The following FAM227B variants were observed in gnomAD, a reference collection of about 807,000 sequenced individuals.
FAM227B encodes the protein family with sequence similarity 227 member B, also known as protein FAM227B.
Under a neutral mutation model 73.8 loss-of-function variants are expected in FAM227B, and 88 were observed. The ratio of observed to expected loss-of-function variants is 1.19; its 90% CI spans 1.00 to 1.42. The LOEUF (loss-of-function observed/expected upper bound fraction) is 1.42. Among genes scored for constraint, FAM227B ranks in the 40% most tolerant of loss-of-function variants. The probability of loss-of-function intolerance (pLI) is 0.00; values close to 1 mark genes in which losing one functional copy is unlikely to be tolerated. For synonymous variants in FAM227B, 210 were observed against 190.5 expected (o/e 1.10, Z -0.84); for missense variants, 632 against 590.9 (o/e 1.07, Z -0.72).
At chr15:49,447,420 T>C (rs552637214) in intron 11 of FAM227B, among the ~76,000 whole-genome samples, 1 of 151,764 alleles carries the variant, frequency 6.6e-6, no homozygotes, top group East Asian at 1.9e-4. Context: ...ATTTGGAACA[T>C]ATGTTTCTAG....
At chr15:49,572,130 C>G (rs2075148863) in intron 8 of FAM227B, among the ~76,000 whole-genome samples, 1 of 151,766 alleles carries the variant, frequency 6.6e-6, no homozygotes, top group South Asian at 2.1e-4. Flanking sequence ...GAATTGTTTT[C>G]TTGATTTCTT....
chr15:49,424,543 A>G, intron 11 of FAM227B: 1 of 1,606,454 alleles, frequency 6.2e-7, no homozygotes, highest in Non-Finnish European at 8.5e-7. Flanking sequence ...TCGATAAAAG[A>G]GGCAAAGTAA....
rs761482897 is a variant in FAM227B at position 49,577,629 on chromosome 15, C to G, written c.441G>C (p.Glu147Asp). 15 of 1,555,316 alleles carry G rather than the reference C, an allele frequency of 9.6e-6. No individual in the cohort carries two copies. Among genetic ancestry groups the G allele is most frequent in the Non-Finnish European group, 1.3e-5 (15 of 1,138,004 alleles). The stretch of plus-strand genomic sequence containing the variant: ...CTGGCAGAACAGAAATTTTAAGTAC[C>G]TCTATATTCTTCTCTGTCTCCATTT... ...SDEMETEKNI[E>D]GCSFTGFKAN... Residue 147 changes from glutamate (E) to aspartate (D), a missense_variant and splice_region_variant, in exon 6 of 16, where the codon GAG (glutamate) becomes GAC (aspartate). Coordinates refer to ENST00000299338, the MANE Select transcript of FAM227B (RefSeq NM_152647.3).
intron 9 of FAM227B, among the ~76,000 whole-genome samples, chr15:49,559,718 C>T (rs374152146): frequency 8.5e-5 from 13 of 152,148 alleles, no homozygotes; most frequent in East Asian, 5.8e-4. Context: ...AGGCAGATCA[C>T]GAGGTCAGGA....
rs564031183 is a variant in FAM227B at position 49,427,511 on chromosome 15, C to T, written c.1013-56112G>A. ...ATGTCAATCACCTTTCTTTGGAGGTCTTTTAAGTTAGTATAGATTTTAGTG... is the reference window on the plus strand; with the variant it reads ...ATGTCAATCACCTTTCTTTGGAGGTTTTTTAAGTTAGTATAGATTTTAGTG... On this transcript the variant is annotated intron_variant, in intron 11 of 15. Transcript: ENST00000299338. Among the ~76,000 whole-genome samples, 9 of 151,948 alleles carry T rather than the reference C, an allele frequency of 5.9e-5. No individual in the cohort carries two copies. In the East Asian group the frequency reaches 1.8e-3, roughly 30 times the overall value.
intron 9 of FAM227B, among the ~76,000 whole-genome samples, chr15:49,542,778 C>G (rs2071265993): frequency 6.6e-6 from 1 of 150,496 alleles, no homozygotes; most frequent in African/African-American, 2.4e-5. Context: ...ATTTTATATT[C>G]AAGGGGACAT....
At chr15:49,563,724 A>AAC (rs2152340765) in intron 9 of FAM227B, among the ~76,000 whole-genome samples, 1 of 152,304 alleles carries the variant, frequency 6.6e-6, no homozygotes, top group South Asian at 2.1e-4. Flanking sequence ...CAAGTAGACA[A>AAC]AACAAGCAAT....
At chr15:49,381,482 A>G (rs2046530214) in intron 11 of FAM227B, among the ~76,000 whole-genome samples, 2 of 152,216 alleles carry the variant, frequency 1.3e-5, no homozygotes. Flanking sequence ...TTCCTTGGTG[A>G]CATCCATGAG....
intron 11 of FAM227B, among the ~76,000 whole-genome samples, chr15:49,397,056 G>A (rs952640489): frequency 6.6e-6 from 1 of 152,058 alleles, no homozygotes; most frequent in Non-Finnish European, 1.5e-5. Flanking sequence ...TCTGAGCTAC[G>A]GGAGGACATT....
chr15:49,522,668 C>T (rs778696876), intron 10 of FAM227B, among the ~76,000 whole-genome samples: 1 of 151,512 alleles, frequency 6.6e-6, no homozygotes, highest in African/African-American at 2.4e-5. Flanking sequence ...TAGACTAGAC[C>T]AAGTAGAAGA....
intron 6 of FAM227B, chr15:49,577,252 G>T: frequency 2.9e-6 from 1 of 347,710 alleles, no homozygotes; most frequent in Non-Finnish European, 5.7e-6. Flanking sequence ...AGCCACGGTT[G>T]CGCCACTGCA....
chr15:49,592,929 C>T (rs1188592426), intron 3 of FAM227B, among the ~76,000 whole-genome samples: 1 of 152,180 alleles, frequency 6.6e-6, no homozygotes, highest in African/African-American at 2.4e-5. Flanking sequence ...GCTTCAGCCT[C>T]GCAGATCTCA....
rs540961021 is a variant in FAM227B at position 49,588,722 on chromosome 15, T to A, written c.338-639A>T. Among the ~76,000 whole-genome samples, 375 of 150,652 alleles carry A rather than the reference T, an allele frequency of 2.5e-3. 1 individual carries two copies. The highest frequency in any genetic ancestry group is 4.0e-3 in the Non-Finnish European group (272 of 67,556). Reference sequence around the variant, plus strand: ...ATACACACACATGGGTGTCTGTGTGTATGTGTGTATGCAAGCTATATATAT... The same window carrying A: ...ATACACACACATGGGTGTCTGTGTGAATGTGTGTATGCAAGCTATATATAT... On this transcript the variant is annotated intron_variant, in intron 4 of 15. Transcript: ENST00000299338.
chr15:49,333,554 GC>G (rs1387600325), intron 14 of FAM227B, among the ~76,000 whole-genome samples: 2 of 152,204 alleles, frequency 1.3e-5, no homozygotes, highest in African/African-American at 4.8e-5. Context: ...GTGTTGTGAA[GC>G]AGAAAGCTGG....
In FAM227B at chr15:49,335,422, C is replaced by A; in HGVS notation, c.1346G>T (p.Arg449Met). Residue 449 changes from arginine to methionine, a missense_variant, in exon 14 of 16, where the codon AGG (arginine) becomes ATG (methionine). By Grantham distance (91) the Arg-to-Met change is moderately conservative. Coordinates refer to ENST00000299338, the MANE Select transcript of FAM227B (RefSeq NM_152647.3). ...RQFARNQKDFRILQAKATKKP... is the reference protein window; with the variant it reads ...RQFARNQKDFMILQAKATKKP... ...CAATAGTATAGCATCAACTTACATC[C>A]TAAAATCCTTTTGGTTCCTTGCAAA... 2 of 1,602,722 alleles carry A rather than the reference C, an allele frequency of 1.2e-6. No individual in the cohort carries two copies. Among genetic ancestry groups the A allele is most frequent in the Non-Finnish European group, 1.7e-6 (2 of 1,169,772 alleles).
chr15:49,608,948 T>C (rs2077703926), intron 3 of FAM227B, among the ~76,000 whole-genome samples: 1 of 151,972 alleles, frequency 6.6e-6, no homozygotes, highest in African/African-American at 2.4e-5. Context: ...CCAAAAAGAA[T>C]TTTTTAAAGT....
intron 11 of FAM227B, among the ~76,000 whole-genome samples, chr15:49,398,881 C>A (rs1350085357): frequency 2.9e-5 from 2 of 68,922 alleles, no homozygotes; most frequent in African/African-American, 1.2e-4. Context: ...CACTAAATGC[C>A]CACAAGAGAA....
intron 11 of FAM227B, among the ~76,000 whole-genome samples, chr15:49,373,993 C>A (rs1198053484): frequency 6.6e-6 from 1 of 152,104 alleles, no homozygotes; most frequent in Non-Finnish European, 1.5e-5. Context: ...AAAAGACAGA[C>A]AAATGATGTA....
intron 10 of FAM227B, among the ~76,000 whole-genome samples, chr15:49,533,141 T>C (rs1263200992): frequency 6.6e-6 from 1 of 151,960 alleles, no homozygotes; most frequent in Non-Finnish European, 1.5e-5. Context: ...TTTTGATTTC[T>C]TTCTTGACCC....
Sources: allele counts gnomAD v4.1 joint callset (sites outside exome capture counted in the v4.1 genomes callset), GRCh38; gene constraint gnomAD v4.1.1; transcripts MANE v1.5; gene names NCBI Gene and HGNC (gene_info 2026-07-23, HGNC 2026-07-21).